Variants in SLC2A12 observed in about 807,000 individuals in gnomAD.
SLC2A12 encodes the protein solute carrier family 2, facilitated glucose transporter member 12.
Under a neutral mutation model 41.8 loss-of-function variants are expected in SLC2A12, and 23 were observed. That is an observed-to-expected ratio of 0.55 (90% confidence interval 0.40 to 0.78). The LOEUF is 0.78. SLC2A12 is among the 30% of genes least tolerant of loss of function. The pLI, the probability that SLC2A12 is intolerant of heterozygous loss-of-function variation, is 0.00. For missense variants in SLC2A12, 654 were observed against 745.6 expected, an observed-to-expected ratio of 0.88 and a Z score of 1.43; for synonymous variants, 295 against 285.9, an observed-to-expected ratio of 1.03 and a Z score of -0.32.
intron 2 of SLC2A12, among the ~76,000 whole-genome samples, chr6:134,027,684 T>C (rs1408128371): frequency 6.6e-6 from 1 of 152,210 alleles, no homozygotes; most frequent in East Asian, 1.9e-4. Flanking sequence ...AAACAGCCTA[T>C]TCTAGTAAAT....
At chr6:134,048,267 G>C (rs1232917217) in intron 1 of SLC2A12, among the ~76,000 whole-genome samples, 1 of 152,162 alleles carries the variant, frequency 6.6e-6, no homozygotes, top group Non-Finnish European at 1.5e-5. Flanking sequence ...ACACAGAAGA[G>C]CAAGTGGTCC....
intron 2 of SLC2A12, chr6:134,009,292 T>G (rs1776850331): frequency 6.6e-6 from 1 of 152,196 alleles, no homozygotes; most frequent in Admixed American, 6.5e-5. Flanking sequence ...GTGAGTTGAA[T>G]ATTGAAAAAG....
intron 1 of SLC2A12, among the ~76,000 whole-genome samples, chr6:134,052,173 C>G (rs1773692750): frequency 6.6e-6 from 1 of 151,880 alleles, no homozygotes; most frequent in African/African-American, 2.4e-5. Context: ...CATTACAGCT[C>G]CGAGCTGTCC....
intron 2 of SLC2A12, among the ~76,000 whole-genome samples, chr6:134,026,539 G>A (rs576164840): frequency 1.3e-5 from 2 of 152,234 alleles, no homozygotes; most frequent in Admixed American, 6.5e-5. Flanking sequence ...AGCCATATGA[G>A]TATCTCATAG....
At chr6:134,015,770 T>C (rs1183865432) in intron 2 of SLC2A12, among the ~76,000 whole-genome samples, 3 of 152,192 alleles carry the variant, frequency 2.0e-5, no homozygotes, top group Non-Finnish European at 2.9e-5. Context: ...ACTTCCAAAT[T>C]AGAACCTGCT....
intron 4 of SLC2A12, among the ~76,000 whole-genome samples, chr6:133,995,039 G>A (rs185110330): frequency 1.2e-4 from 18 of 152,266 alleles, no homozygotes; most frequent in African/African-American, 4.1e-4. Context: ...TTTCAGGAGC[G>A]GAGTGGCCAT....
intron 4 of SLC2A12, among the ~76,000 whole-genome samples, chr6:133,999,011 G>A (rs73774189): frequency 0.024 from 3,706 of 152,286 alleles, 153 homozygotes; most frequent in African/African-American, 0.084. Flanking sequence ...AGGCATTGTA[G>A]GAGTTACATA....
intron 2 of SLC2A12, among the ~76,000 whole-genome samples, chr6:134,025,923 T>TG (rs2114471085): frequency 6.6e-6 from 1 of 152,312 alleles, no homozygotes; most frequent in South Asian, 2.1e-4. Flanking sequence ...AGGTATCAAA[T>TG]GATGTGTTAG....
chr6:134,052,119 T>C (rs1393222961), intron 1 of SLC2A12, among the ~76,000 whole-genome samples: 1 of 152,158 alleles, frequency 6.6e-6, no homozygotes, highest in Non-Finnish European at 1.5e-5. Context: ...GTAACCTGTA[T>C]TTTCTTGGCA....
intron 3 of SLC2A12, among the ~76,000 whole-genome samples, chr6:134,004,977 T>C (rs1776794697): frequency 6.6e-6 from 1 of 152,204 alleles, no homozygotes; most frequent in African/African-American, 2.4e-5. Flanking sequence ...AAAAATGACA[T>C]GTAAATCTCC....
At chr6:134,018,728 C>A (rs2099755520) in intron 2 of SLC2A12, among the ~76,000 whole-genome samples, 1 of 151,674 alleles carries the variant, frequency 6.6e-6, no homozygotes, top group Non-Finnish European at 1.5e-5. Flanking sequence ...CTTCTGTCTC[C>A]TGAAACTGTA....
chr6:134,014,746 C>T (rs547114544), intron 2 of SLC2A12, among the ~76,000 whole-genome samples: 1 of 152,176 alleles, frequency 6.6e-6, no homozygotes, highest in South Asian at 2.1e-4. Flanking sequence ...TTTTCAAGGT[C>T]ATAGAACTGT....
In SLC2A12 at chr6:134,052,250, TACACACACACACAC is replaced by T. The variant is rs55702666; in HGVS notation, c.103+114_103+127del. On this transcript the variant is annotated intron_variant, in intron 1 of 4. Coordinates refer to ENST00000275230, the MANE Select transcript of SLC2A12 (RefSeq NM_145176.3). ...GCGCGCCCACATGCGCGCGCGCGCA[TACACACACACACAC>T]ACACACACACACACACACACACACA... 346 of 371,404 alleles carry T rather than the reference TACACACACACACAC, an allele frequency of 9.3e-4. 3 individuals carry two copies. The highest frequency in any genetic ancestry group is 6.2e-3 in the African/African-American group (241 of 39,136). The allele number at this position is 371,404 out of a possible 1,614,324, so 23.0% of individuals were successfully genotyped here. A position where few individuals can be genotyped will look rare whatever the true frequency, so the allele number is the denominator to read the frequency against.
chr6:133,995,181 A>G (rs934691707), intron 4 of SLC2A12, among the ~76,000 whole-genome samples: 5 of 152,210 alleles, frequency 3.3e-5, no homozygotes, highest in African/African-American at 1.2e-4. Flanking sequence ...AGCTGGAGAG[A>G]AAAGTGGCAC....
intron 2 of SLC2A12, among the ~76,000 whole-genome samples, chr6:134,013,544 G>C (rs1394343278): frequency 6.6e-6 from 1 of 152,030 alleles, no homozygotes; most frequent in East Asian, 1.9e-4. Context: ...ATCTGTGGTT[G>C]AATGTCACTT....
In SLC2A12 at chr6:133,988,685, T is replaced by TA. The variant is rs1224235353; in HGVS notation, c.*2469_*2470insT. ...AAGGCTAACTTACATTTTTCCTTCTTGTGAAATATTTCATTGAGATTTTTA... is the reference window on the plus strand; with the variant it reads ...AAGGCTAACTTACATTTTTCCTTCTTAGTGAAATATTTCATTGAGATTTTTA... On this transcript the variant is annotated 3_prime_UTR_variant, in exon 5 of 5. Coordinates refer to ENST00000275230, the MANE Select transcript of SLC2A12 (RefSeq NM_145176.3). 6.6e-6 allele frequency: 1 copy of TA among 152,144 alleles called. No homozygotes were observed. Among genetic ancestry groups the TA allele is most frequent in the African/African-American group, 2.4e-5 (1 of 41,434 alleles). The allele number at this position is 152,144 out of a possible 1,614,324, so 9.4% of individuals were successfully genotyped here.
chr6:133,992,445 C>T (rs574707507), intron 4 of SLC2A12, among the ~76,000 whole-genome samples: 239 of 152,222 alleles, frequency 1.6e-3, no homozygotes, highest in Middle Eastern at 0.01. Flanking sequence ...AAAGTAGGAA[C>T]GTCAACTCAC....
At position 133,991,207 on chromosome 6, in the gene SLC2A12, C is replaced by T. The variant is rs771254153; in HGVS notation, c.1802G>A (p.Cys601Tyr). The stretch of plus-strand genomic sequence containing the variant: ...TTGGCCCCTACCACACAGCTTGTTA[C>T]ACTCCAAGAGCTGCTCCTGGGGTTT... ...KRKPQEQLLE[C>Y]NKLCGRGQSR... Residue 601 changes from cysteine (C) to tyrosine (Y), a missense_variant, in exon 5 of 5, where the codon TGT becomes TAT. Coordinates refer to ENST00000275230, the MANE Select transcript of SLC2A12 (RefSeq NM_145176.3). The T allele has an allele frequency of 6.2e-7, 1 of 1,614,144 alleles. No homozygotes were observed. Among genetic ancestry groups the T allele is most frequent in the Non-Finnish European group, 8.5e-7 (1 of 1,180,012 alleles).
rs774494794 is a variant in SLC2A12 at position 133,990,974 on chromosome 6, C to A, written c.*181G>T. 2 of 644,024 alleles carry A rather than the reference C, an allele frequency of 3.1e-6. No individual in the cohort carries two copies. The highest frequency in any genetic ancestry group is 5.1e-6 in the Non-Finnish European group (2 of 393,454). 39.9% of individuals were successfully genotyped at this position (644,024 alleles called of 1,614,324 possible). On this transcript the variant is annotated 3_prime_UTR_variant, in exon 5 of 5. Transcript: ENST00000275230. ...ACTTAGGACCTTGTACCTCATCTAC[C>A]TTTTGAGGTTCCTTCTGGGGAGGAG...
Sources: allele counts gnomAD v4.1 joint callset (sites outside exome capture counted in the v4.1 genomes callset), GRCh38; gene constraint gnomAD v4.1.1; transcripts MANE v1.5; gene names NCBI Gene and HGNC (gene_info 2026-07-23, HGNC 2026-07-21).